The following NUDT3 variants were observed in gnomAD, a reference collection of about 807,000 sequenced individuals.
NUDT3 encodes the protein nudix hydrolase 3.
In NUDT3, 9 loss-of-function variants were observed where a neutral mutation model predicts 23.6. That is an observed-to-expected ratio of 0.38 (90% CI 0.23 to 0.66). The LOEUF is 0.66. NUDT3 is among the 30% of genes least tolerant of loss of function. The probability of loss-of-function intolerance (pLI) is 0.52; values close to 1 mark genes in which losing one functional copy is unlikely to be tolerated. For missense variants in NUDT3, 172 were observed against 218.5 expected, an observed-to-expected ratio of 0.79 and a Z score of 1.34; for synonymous variants, 86 against 82.6, an observed-to-expected ratio of 1.04 and a Z score of -0.22.
chr6:34,366,587 T>G (rs1322272722), intron 1 of NUDT3, among the ~76,000 whole-genome samples: 1 of 151,014 alleles, frequency 6.6e-6, no homozygotes. Context: ...AGACAGGGTC[T>G]CACTCTGTTG....
intron 2 of NUDT3, among the ~76,000 whole-genome samples, chr6:34,296,069 A>G (rs2113695976): frequency 6.6e-6 from 1 of 152,314 alleles, no homozygotes; most frequent in East Asian, 1.9e-4. Flanking sequence ...AGAGTTCAAG[A>G]TCAGTTTGGT....
intron 1 of NUDT3, among the ~76,000 whole-genome samples, chr6:34,381,564 G>A (rs934566248): frequency 3.3e-5 from 5 of 151,720 alleles, no homozygotes; most frequent in Admixed American, 6.6e-5. Context: ...AAATTCTCTG[G>A]ACTGTTTTCC....
At chr6:34,321,379 A>T (rs1763939800) in intron 2 of NUDT3, among the ~76,000 whole-genome samples, 1 of 151,978 alleles carries the variant, frequency 6.6e-6, no homozygotes, top group Non-Finnish European at 1.5e-5. Flanking sequence ...CAGAGATTGC[A>T]GTGAGCCGAG....
At chr6:34,373,862 A>T (rs1236777335) in intron 1 of NUDT3, among the ~76,000 whole-genome samples, 1 of 152,078 alleles carries the variant, frequency 6.6e-6, no homozygotes, top group Admixed American at 6.6e-5. Flanking sequence ...TTAGAAATAT[A>T]TTTTTATTCG....
intron 2 of NUDT3, among the ~76,000 whole-genome samples, chr6:34,326,748 C>A: frequency 6.6e-6 from 1 of 152,016 alleles, no homozygotes; most frequent in African/African-American, 2.4e-5. Flanking sequence ...TTATAGGCAC[C>A]CGCCACCATG....
chr6:34,330,714 T>A (rs1393132329), intron 2 of NUDT3, among the ~76,000 whole-genome samples: 2 of 151,854 alleles, frequency 1.3e-5, no homozygotes, highest in African/African-American at 4.8e-5. Flanking sequence ...GGTGCGAGGA[T>A]CACTTGAGCC....
Position 34,288,813 on chromosome 6 carries a change from G to A in NUDT3, c.459C>T (p.Thr153=), listed in dbSNP as rs367900902. Residue 153 remains threonine (T), a synonymous_variant, in exon 5 of 5, where the codon ACC becomes ACT. Transcript: ENST00000607016. ...LRQGYSANNG[T]PVVATTYSVS... is the part of the protein sequence containing the mutation. ...CCGAGTATGTGGTGGCCACGACTGG[G>A]GTGCCATTGTTGGCTGAGTAGCCTT... 6.2e-7 allele frequency: 1 copy of A among 1,613,994 alleles called. No homozygotes were observed. The highest frequency in any genetic ancestry group is 1.7e-5 in the Admixed American group (1 of 59,974).
At chr6:34,390,652 C>T (rs1183304433) in intron 1 of NUDT3, among the ~76,000 whole-genome samples, 1 of 152,018 alleles carries the variant, frequency 6.6e-6, no homozygotes, top group Non-Finnish European at 1.5e-5. Context: ...GCCACCACGC[C>T]CGGCCTGGTG....
chr6:34,287,873 T>TG lies in NUDT3; in HGVS notation c.*879dup. 1 of 152,254 alleles carries TG rather than the reference T, an allele frequency of 6.6e-6. No homozygotes were observed. The highest frequency in any genetic ancestry group is 1.9e-4 in the East Asian group (1 of 5,186). 9.4% of individuals were successfully genotyped at this position (152,254 alleles called of 1,614,324 possible). A position where few individuals can be genotyped will look rare whatever the true frequency, so the allele number is the denominator to read the frequency against. On this transcript the variant is annotated 3_prime_UTR_variant, in exon 5 of 5. Transcript: ENST00000607016. ...CAGTTCCAACTCTACTGTCAACATG[T>TG]GGGGCAGAATTCAATTTCTATCATT...
chr6:34,353,164 G>A (rs1055143050), intron 1 of NUDT3, among the ~76,000 whole-genome samples: 1 of 151,950 alleles, frequency 6.6e-6, no homozygotes. Flanking sequence ...TTTCCCCTTT[G>A]TCAACCCCAA....
chr6:34,293,333 G>A (rs1763451200), intron 4 of NUDT3, 118 bp downstream of exon 4: 3 of 1,209,372 alleles, frequency 2.5e-6, no homozygotes, highest in Non-Finnish European at 2.4e-6. Context: ...AAGTACTGGG[G>A]TTATAGGTGT....
chr6:34,323,653 A>G (rs566828758), intron 2 of NUDT3, among the ~76,000 whole-genome samples: 3 of 152,354 alleles, frequency 2.0e-5, no homozygotes, highest in East Asian at 1.9e-4. Context: ...GAAAAGAAAT[A>G]CATGCTAAAG....
intron 1 of NUDT3, among the ~76,000 whole-genome samples, chr6:34,375,731 G>A (rs890687435): frequency 4.6e-5 from 7 of 152,130 alleles, no homozygotes; most frequent in African/African-American, 1.4e-4. Context: ...CGAAGAAAAT[G>A]TGCTTCTTTC....
chr6:34,335,080 C>G (rs1161180211), intron 2 of NUDT3, among the ~76,000 whole-genome samples: 1 of 152,130 alleles, frequency 6.6e-6, no homozygotes, highest in Non-Finnish European at 1.5e-5. Context: ...AAAGCATGAA[C>G]AATACCACAG....
intron 2 of NUDT3, among the ~76,000 whole-genome samples, chr6:34,297,937 C>T (rs1001658965): frequency 6.6e-5 from 10 of 150,788 alleles, no homozygotes; most frequent in African/African-American, 2.2e-4. Flanking sequence ...TTCTCCTCCA[C>T]AAAGGAGAAA....
In NUDT3 at chr6:34,296,634, T is replaced by C. The variant is rs141596978; in HGVS notation, c.211-949A>G. On this transcript the variant is annotated intron_variant, in intron 2 of 4. Transcript: ENST00000607016. ...ATACATAGATTACTTCATTCACTTA[T>C]TCATTCAACAAATACATACTAAATG... 3.3e-4 allele frequency among the ~76,000 whole-genome samples: 50 copies of C among 152,312 alleles called. 1 individual carries two copies. The South Asian group carries it at 9.5e-3, about 29-fold the overall frequency.
intron 1 of NUDT3, among the ~76,000 whole-genome samples, chr6:34,374,709 T>C (rs1186586209): frequency 6.6e-6 from 1 of 152,228 alleles, no homozygotes; most frequent in Admixed American, 6.5e-5. Flanking sequence ...CATTTCACTG[T>C]ATCATCATCA....
chr6:34,382,452 T>C (rs1242287890), intron 1 of NUDT3, among the ~76,000 whole-genome samples: 3 of 149,474 alleles, frequency 2.0e-5, no homozygotes, highest in Admixed American at 2.0e-4. Context: ...TAACTTCTCT[T>C]TTTTTGTTTG....
chr6:34,391,804 A>C (rs1341109227), intron 1 of NUDT3, among the ~76,000 whole-genome samples: 2 of 146,424 alleles, frequency 1.4e-5, no homozygotes, highest in Non-Finnish European at 3.0e-5. Flanking sequence ...GCAAACCCCA[A>C]ACCTGCCAAT....
Sources: allele counts gnomAD v4.1 joint callset (sites outside exome capture counted in the v4.1 genomes callset), GRCh38; gene constraint gnomAD v4.1.1; transcripts MANE v1.5; gene names NCBI Gene and HGNC (gene_info 2026-07-23, HGNC 2026-07-21).